Variants in EIF4EBP2 observed in about 807,000 individuals in gnomAD.
The protein encoded by EIF4EBP2 is eukaryotic translation initiation factor 4E binding protein 2, also known as eukaryotic translation initiation factor 4E-binding protein 2.
In EIF4EBP2, 5 loss-of-function variants were observed where a neutral mutation model predicts 10.3. The observed-to-expected ratio is 0.48, with a 90% CI of 0.25 to 1.02. EIF4EBP2 has a LOEUF of 1.02. EIF4EBP2 is among the 50% of genes least tolerant of loss of function. EIF4EBP2 has a pLI of 0.15. For synonymous variants in EIF4EBP2, 67 were observed against 61.1 expected (o/e 1.10, Z -0.45); for missense variants, 188 against 162.2 (o/e 1.16, Z -0.86).
intron 1 of EIF4EBP2, among the ~76,000 whole-genome samples, chr10:70,418,685 A>T (rs1220942250): frequency 2.0e-5 from 3 of 152,336 alleles, no homozygotes; most frequent in Non-Finnish European, 4.4e-5. Context: ...TGAAAGTTGA[A>T]CTAAGTTTTG....
chr10:70,408,899 A>G (rs1182338694), intron 1 of EIF4EBP2, among the ~76,000 whole-genome samples: 1 of 152,180 alleles, frequency 6.6e-6, no homozygotes, highest in Non-Finnish European at 1.5e-5. Flanking sequence ...TTGTATTGGA[A>G]ATCTCTATTT....
rs1844942452 is a variant in EIF4EBP2, at chr10:70,404,180, C to CTGTT, written c.-221_-218dup. Among the ~76,000 whole-genome samples the CTGTT allele has an allele frequency of 6.6e-6, 1 of 152,246 alleles. No individual in the cohort carries two copies. Among genetic ancestry groups the CTGTT allele is most frequent in the Admixed American group, 6.5e-5 (1 of 15,294 alleles). Reference sequence around the variant, plus strand: ...GTCGTCGTCGCCGCTGCTGCCGCTGCTGTTGCTCCTGAGGCTGCTGGCTGA... The same window carrying CTGTT: ...GTCGTCGTCGCCGCTGCTGCCGCTGCTGTTTGTTGCTCCTGAGGCTGCTGGCTGA... On this transcript the variant is annotated 5_prime_UTR_variant, in exon 1 of 3. Transcript: ENST00000373218.
In EIF4EBP2 at chr10:70,423,851, ATT is replaced by A. The variant is rs1250160740; in HGVS notation, c.*2108_*2109del. The A allele has an allele frequency of 6.6e-6, 1 of 152,598 alleles. No homozygotes were observed. The highest frequency in any genetic ancestry group is 2.4e-5 in the African/African-American group (1 of 41,446). 9.5% of individuals were successfully genotyped at this position (152,598 alleles called of 1,614,324 possible). On this transcript the variant is annotated 3_prime_UTR_variant, in exon 3 of 3. Coordinates refer to ENST00000373218, the MANE Select transcript of EIF4EBP2 (RefSeq NM_004096.5). ...AAAAAAATTGATAATCAGAAAAGTAATTTTTGTTTGTTTGTTTAATGTATCCC... is the reference window on the plus strand; with the variant it reads ...AAAAAAATTGATAATCAGAAAAGTAATTTGTTTGTTTGTTTAATGTATCCC...
At chr10:70,409,350 G>A (rs1245129618) in intron 1 of EIF4EBP2, among the ~76,000 whole-genome samples, 1 of 152,046 alleles carries the variant, frequency 6.6e-6, no homozygotes, top group African/African-American at 2.4e-5. Context: ...ATGATATTTG[G>A]TTCTTCCATT....
intron 1 of EIF4EBP2, among the ~76,000 whole-genome samples, chr10:70,409,109 A>G (rs927002901): frequency 6.6e-6 from 1 of 152,208 alleles, no homozygotes; most frequent in Non-Finnish European, 1.5e-5. Flanking sequence ...ATTGGGGATC[A>G]CAGGAGATAC....
intron 2 of EIF4EBP2, 59 bp from the exon 3 acceptor site, chr10:70,421,657 A>G: frequency 2.0e-6 from 3 of 1,477,618 alleles, no homozygotes; most frequent in Non-Finnish European, 2.8e-6. Flanking sequence ...AATGACAGTT[A>G]AAACTGTTAT....
chr10:70,420,997 A>G (rs1564663434), intron 2 of EIF4EBP2, among the ~76,000 whole-genome samples: 1 of 151,758 alleles, frequency 6.6e-6, no homozygotes, highest in Non-Finnish European at 1.5e-5. Flanking sequence ...GGGTTTCACC[A>G]TGTTAGCCAG....
In EIF4EBP2 at chr10:70,425,829, T is replaced by C. The variant is rs2137235352; in HGVS notation, c.*4082T>C. ...CAAACATGAATTAGATGTTAAGCTA[T>C]TGAGCTGAAGAAAAGAAAGCAGTTC... On this transcript the variant is annotated 3_prime_UTR_variant, in exon 3 of 3. Coordinates refer to ENST00000373218, the MANE Select transcript of EIF4EBP2 (RefSeq NM_004096.5). The C allele has an allele frequency of 6.6e-6, 1 of 152,332 alleles. No individual in the cohort carries two copies. The highest frequency in any genetic ancestry group is 2.4e-5 in the African/African-American group (1 of 41,568). The allele number at this position is 152,332 out of a possible 1,614,324, so 9.4% of individuals were successfully genotyped here. A position where few individuals can be genotyped will look rare whatever the true frequency, so the allele number is the denominator to read the frequency against.
intron 1 of EIF4EBP2, among the ~76,000 whole-genome samples, chr10:70,419,192 T>G (rs752639362): frequency 9.2e-5 from 14 of 152,226 alleles, no homozygotes; most frequent in Non-Finnish European, 1.5e-4. Flanking sequence ...TTGCATTTCC[T>G]TGATGATTAG....
At chr10:70,415,176 A>T in intron 1 of EIF4EBP2, among the ~76,000 whole-genome samples, 1 of 152,016 alleles carries the variant, frequency 6.6e-6, no homozygotes, top group East Asian at 1.9e-4. Context: ...AAAAAAAGAA[A>T]AGAAAAAGAA....
In EIF4EBP2 at chr10:70,422,629, A is replaced by G. The variant is rs372647128; in HGVS notation, c.*882A>G. On this transcript the variant is annotated 3_prime_UTR_variant, in exon 3 of 3. Coordinates refer to ENST00000373218, the MANE Select transcript of EIF4EBP2 (RefSeq NM_004096.5). The stretch of plus-strand genomic sequence containing the variant: ...CTCCTAGAGCAGGTCCATACCAAGT[A>G]ATAGAGGCACTTTAGCTTCCACTTG... 9 of 152,262 alleles carry G rather than the reference A, an allele frequency of 5.9e-5. No individual in the cohort carries two copies. Among genetic ancestry groups the G allele is most frequent in the African/African-American group, 2.2e-4 (9 of 41,544 alleles). The allele number at this position is 152,262 out of a possible 1,614,324, so 9.4% of individuals were successfully genotyped here. A position where few individuals can be genotyped will look rare whatever the true frequency, so the allele number is the denominator to read the frequency against.
Position 70,419,860 on chromosome 10 carries a change from A to G in EIF4EBP2, c.146-54A>G, listed in dbSNP as rs930395534. On this transcript the variant is annotated intron_variant, in intron 1 of 2. Coordinates refer to ENST00000373218, the MANE Select transcript of EIF4EBP2 (RefSeq NM_004096.5). ...TTAAATTAAATTCCTGGGTGGTATT[A>G]TATGTTGATAACCCCTTAAATTGTT... 20 of 1,265,326 alleles carry G rather than the reference A, an allele frequency of 1.6e-5. No individual in the cohort carries two copies. In the South Asian group the frequency reaches 2.9e-4, roughly 19 times the overall value. 78.4% of individuals were successfully genotyped at this position (1,265,326 alleles called of 1,614,324 possible).
intron 2 of EIF4EBP2, among the ~76,000 whole-genome samples, chr10:70,421,267 T>G (rs1348745611): frequency 6.6e-6 from 1 of 152,188 alleles, no homozygotes; most frequent in East Asian, 1.9e-4. Context: ...AGTGGCCAGC[T>G]CCTGAAATAT....
chr10:70,404,625 G>A, intron 1 of EIF4EBP2, 79 bp downstream of exon 1: 1 of 1,405,316 alleles, frequency 7.1e-7, no homozygotes, highest in Non-Finnish European at 9.3e-7. Context: ...GTGCCCGGCC[G>A]CTTCGCCCCC....
At chr10:70,414,025 T>C (rs1313183366) in intron 1 of EIF4EBP2, among the ~76,000 whole-genome samples, 1 of 152,226 alleles carries the variant, frequency 6.6e-6, no homozygotes, top group Non-Finnish European at 1.5e-5. Context: ...TGTGAATTGC[T>C]AGGAAGTCCT....
At chr10:70,405,431 C>G (rs1447530422) in intron 1 of EIF4EBP2, among the ~76,000 whole-genome samples, 1 of 152,186 alleles carries the variant, frequency 6.6e-6, no homozygotes, top group Non-Finnish European at 1.5e-5. Flanking sequence ...AGCTTGGTCA[C>G]GGGAAGAGAG....
intron 1 of EIF4EBP2, among the ~76,000 whole-genome samples, chr10:70,407,977 G>T (rs1356867462): frequency 1.7e-5 from 2 of 120,898 alleles, no homozygotes; most frequent in African/African-American, 6.4e-5. Flanking sequence ...CTGGCCGGGC[G>T]GGGGGCTGAC....
At chr10:70,409,627 TAA>T (rs771052153) in intron 1 of EIF4EBP2, among the ~76,000 whole-genome samples, 18 of 152,244 alleles carry the variant, frequency 1.2e-4, no homozygotes, top group Non-Finnish European at 2.4e-4. Flanking sequence ...TGCAAACATT[TAA>T]AGAGACTTTT....
Position 70,427,316 on chromosome 10 carries a change from TTAACTCTCAGCTTTTAA to T in EIF4EBP2, c.*5573_*5589del, listed in dbSNP as rs903619881. 2.0e-5 allele frequency: 3 copies of T among 152,214 alleles called. No individual in the cohort carries two copies. Among genetic ancestry groups the T allele is most frequent in the African/African-American group, 7.2e-5 (3 of 41,452 alleles). The allele number at this position is 152,214 out of a possible 1,614,324, so 9.4% of individuals were successfully genotyped here. A position where few individuals can be genotyped will look rare whatever the true frequency, so the allele number is the denominator to read the frequency against. On this transcript the variant is annotated 3_prime_UTR_variant, in exon 3 of 3. Transcript: ENST00000373218. ...TGGACTTAGTTATCCCTACAGTTCT[TTAACTCTCAGCTTTTAA>T]TAAAAGATGAAATCAGATATTGATG...
Sources: allele counts gnomAD v4.1 joint callset (sites outside exome capture counted in the v4.1 genomes callset), GRCh38; gene constraint gnomAD v4.1.1; transcripts MANE v1.5; gene names NCBI Gene and HGNC (gene_info 2026-07-23, HGNC 2026-07-21).